NELL1: variants seen among roughly 807,000 people sequenced by gnomAD.
NELL1 encodes protein kinase C-binding protein NELL1.
NELL1 carries 76 observed loss-of-function variants against 107.4 expected under a neutral mutation model. The ratio of observed to expected loss-of-function variants is 0.71; its 90% confidence interval spans 0.59 to 0.86. The LOEUF is 0.86. Ranked by LOEUF, NELL1 falls within the 40% of genes least tolerant of loss-of-function variation. The pLI is 0.00. For synonymous variants in NELL1, 353 were observed against 341.2 expected (o/e 1.03, Z -0.38); for missense variants, 1,024 against 1,005.5 (o/e 1.02, Z -0.25).
chr11:20,825,567 C>T (rs367546683), intron 3 of NELL1, among the ~76,000 whole-genome samples: 20 of 151,268 alleles, frequency 1.3e-4, no homozygotes, highest in Admixed American at 8.6e-4. Flanking sequence ...CATTGGATTT[C>T]GAACTTGCAT....
intron 2 of NELL1, among the ~76,000 whole-genome samples, chr11:20,737,572 A>G (rs957926786): frequency 2.6e-5 from 4 of 152,152 alleles, no homozygotes; most frequent in Non-Finnish European, 4.4e-5. Flanking sequence ...TGTGTACCTC[A>G]TAGTACTGTG....
intron 5 of NELL1, among the ~76,000 whole-genome samples, chr11:20,892,035 T>G (rs1849627052): frequency 6.6e-6 from 1 of 152,232 alleles, no homozygotes; most frequent in South Asian, 2.1e-4. Context: ...TCTACAGAAC[T>G]CTCCACCCCA....
chr11:20,680,282 A>G (rs1342565886), intron 2 of NELL1, among the ~76,000 whole-genome samples: 1 of 152,102 alleles, frequency 6.6e-6, no homozygotes, highest in South Asian at 2.1e-4. Context: ...TCTGCCCTCT[A>G]GATCCCAAGG....
intron 11 of NELL1, among the ~76,000 whole-genome samples, chr11:20,956,217 TCAAAA>T (rs753107203): frequency 9.7e-4 from 148 of 151,820 alleles, no homozygotes; most frequent in Admixed American, 5.0e-3. Context: ...AGACTTCGTC[TCAAAA>T]CAAAACAAAA....
chr11:21,532,543 T>C (rs957856056), intron 15 of NELL1, among the ~76,000 whole-genome samples: 7 of 152,200 alleles, frequency 4.6e-5, no homozygotes, highest in African/African-American at 1.7e-4. Context: ...ATTGCTTTGG[T>C]TGAGATGCTT....
chr11:21,167,062 C>T (rs1041443164), intron 13 of NELL1, among the ~76,000 whole-genome samples: 1 of 151,840 alleles, frequency 6.6e-6, no homozygotes, highest in African/African-American at 2.4e-5. Flanking sequence ...AACATTGACT[C>T]AAGCAACTGA....
intron 9 of NELL1, 64 bp from the exon 10 acceptor site, chr11:20,937,722 G>C: frequency 8.8e-7 from 1 of 1,135,346 alleles, no homozygotes; most frequent in Non-Finnish European, 1.3e-6. Flanking sequence ...GAGTTAGAAG[G>C]TACCTCTGAG....
intron 15 of NELL1, among the ~76,000 whole-genome samples, chr11:21,377,403 T>A (rs1275920480): frequency 6.6e-6 from 1 of 152,134 alleles, no homozygotes; most frequent in Non-Finnish European, 1.5e-5. Context: ...GCTTATCTCA[T>A]CATGGTGAGT....
At chr11:21,495,206 T>C (rs775430515) in intron 15 of NELL1, among the ~76,000 whole-genome samples, 37 of 152,296 alleles carry the variant, frequency 2.4e-4, no homozygotes, top group Non-Finnish European at 4.4e-4. Context: ...CTACTTTCTG[T>C]CAGCATGGAT....
chr11:21,434,001 C>T (rs932443591), intron 15 of NELL1, among the ~76,000 whole-genome samples: 1 of 152,184 alleles, frequency 6.6e-6, no homozygotes, highest in African/African-American at 2.4e-5. Context: ...TATTTTGAAA[C>T]ATGTTTACTC....
At chr11:21,184,907 TA>T (rs1856901003) in intron 13 of NELL1, among the ~76,000 whole-genome samples, 2 of 151,950 alleles carry the variant, frequency 1.3e-5, no homozygotes, top group Admixed American at 6.5e-5. Context: ...ATATGCAATG[TA>T]AATATGTGTT....
intron 3 of NELL1, among the ~76,000 whole-genome samples, chr11:20,796,203 G>A (rs966838381): frequency 6.6e-6 from 1 of 152,190 alleles, no homozygotes; most frequent in African/African-American, 2.4e-5. Flanking sequence ...ACATCAAGAT[G>A]TTGTTATAGA....
chr11:21,506,123 A>C (rs1330076692), intron 15 of NELL1, among the ~76,000 whole-genome samples: 2 of 152,240 alleles, frequency 1.3e-5, no homozygotes, highest in Non-Finnish European at 2.9e-5. Flanking sequence ...CTATCTTAAA[A>C]TAATGATATT....
intron 14 of NELL1, among the ~76,000 whole-genome samples, chr11:21,262,916 T>G (rs1848561686): frequency 6.6e-6 from 1 of 151,890 alleles, no homozygotes; most frequent in Non-Finnish European, 1.5e-5. Flanking sequence ...ACTTTCTGAT[T>G]TTTCAATTTT....
chr11:21,103,283 ATT>A (rs1414575207), intron 12 of NELL1, among the ~76,000 whole-genome samples: 2 of 152,140 alleles, frequency 1.3e-5, no homozygotes, highest in East Asian at 3.9e-4. Context: ...TGTTCACTCT[ATT>A]TTGACTGCTT....
Position 21,168,987 on chromosome 11 carries a change from C to T in NELL1, c.1426+55273C>T, listed in dbSNP as rs150311507. On this transcript the variant is annotated intron_variant, in intron 13 of 19. Coordinates refer to ENST00000357134, the MANE Select transcript of NELL1 (RefSeq NM_006157.5). Reference sequence around the variant, plus strand: ...ATGACTCAATTCTGTATTGGTGATGCAGTGTATCTGCTGTCTGAACCCTAA... The same window carrying T: ...ATGACTCAATTCTGTATTGGTGATGTAGTGTATCTGCTGTCTGAACCCTAA... Among the ~76,000 whole-genome samples, 41 of 152,002 alleles carry T rather than the reference C, an allele frequency of 2.7e-4. 1 individual carries two copies. The highest frequency in any genetic ancestry group is 5.3e-4 in the Non-Finnish European group (36 of 68,036).
intron 13 of NELL1, among the ~76,000 whole-genome samples, chr11:21,207,035 T>G (rs937112644): frequency 1.3e-5 from 2 of 152,192 alleles, no homozygotes; most frequent in African/African-American, 4.8e-5. Context: ...CTTCACTTCT[T>G]TCTTTTATTC....
intron 14 of NELL1, among the ~76,000 whole-genome samples, chr11:21,301,720 C>A (rs548264749): frequency 1.8e-3 from 267 of 152,122 alleles, no homozygotes; most frequent in African/African-American, 6.0e-3. Context: ...ATGGTAGTTT[C>A]TTTTGCTGTG....
chr11:20,777,559 A>T (rs765555453), intron 2 of NELL1, among the ~76,000 whole-genome samples: 4 of 152,204 alleles, frequency 2.6e-5, no homozygotes, highest in Admixed American at 6.5e-5. Context: ...CAAAACCAGA[A>T]ATTGCCTCAC....
Sources: gnomAD v4.1 joint callset for allele counts (sites outside exome capture counted in the v4.1 genomes callset) on GRCh38, gnomAD v4.1.1 for gene constraint, MANE v1.5 for transcripts, NCBI Gene and HGNC (gene_info 2026-07-23, HGNC 2026-07-21) for gene names.